Variants in IFNL1 observed in about 807,000 individuals in gnomAD.
The protein encoded by IFNL1 is interferon lambda-1.
In IFNL1, 16 loss-of-function variants were observed where a neutral mutation model predicts 17.1. The ratio of observed to expected loss-of-function variants is 0.93; its 90% CI spans 0.63 to 1.42. The LOEUF (loss-of-function observed/expected upper bound fraction) is 1.42, where lower values mean the gene tolerates loss of function less well. Ranked by LOEUF, IFNL1 falls within the 40% of genes most tolerant of loss-of-function variation. The probability of loss-of-function intolerance (pLI) is 0.00; values close to 1 mark genes in which losing one functional copy is unlikely to be tolerated. For missense variants in IFNL1, 262 were observed against 249.4 expected (o/e 1.05, Z -0.34); for synonymous variants, 104 against 111.4 (o/e 0.93, Z 0.42).
At chr19:39,297,179 G>A (rs904624945) in intron 2 of IFNL1, among the ~76,000 whole-genome samples, 10 of 151,186 alleles carry the variant, frequency 6.6e-5, no homozygotes, top group East Asian at 3.9e-4. Flanking sequence ...TGTGCCTTTC[G>A]TCCTGCTCCA....
In IFNL1 at chr19:39,298,246, C is replaced by A. The variant is rs142816026; in HGVS notation, c.427C>A (p.Arg143=). 1 of 1,614,084 alleles carries A rather than the reference C, an allele frequency of 6.2e-7. No individual in the cohort carries two copies. Among genetic ancestry groups the A allele is most frequent in the South Asian group, 1.1e-5 (1 of 91,078 alleles). ...QPQPTAGPRP[R]GRLHHWLHRL... ...TCAGCCCACAGCAGGGCCCAGGCCC[C>A]GGGGCCGCCTCCACCACTGGCTGCA... Residue 143 remains arginine, a synonymous_variant, in exon 4 of 5, where the codon CGG becomes AGG. Coordinates refer to ENST00000333625, the MANE Select transcript of IFNL1 (RefSeq NM_172140.2).
Position 39,298,220 on chromosome 19 carries a change from C to G in IFNL1, c.401C>G (p.Pro134Arg). ...ILSQLQACIQ[P>R]QPTAGPRPRG... ...GCCCTCTTCTGCCCACAGATCCAGC[C>G]TCAGCCCACAGCAGGGCCCAGGCCC... Residue 134 changes from proline to arginine, a missense_variant, in exon 4 of 5, where the codon CCT becomes CGT. Transcript: ENST00000333625. 1 of 1,614,070 alleles carries G rather than the reference C, an allele frequency of 6.2e-7. No individual in the cohort carries two copies. The highest frequency in any genetic ancestry group is 8.5e-7 in the Non-Finnish European group (1 of 1,179,992).
Position 39,298,029 on chromosome 19 carries a change from T to C in IFNL1, c.315T>C (p.Ala105=). Residue 105 remains alanine, a synonymous_variant, in exon 3 of 5, where the codon GCT becomes GCC. Transcript: ENST00000333625. ...LALTLKVLEA[A]AGPALEDVLD... ...TGACGCTGAAGGTCCTGGAGGCCGC[T>C]GCTGGCCCAGCCCTGGAGGACGTCC... 1 of 1,614,206 alleles carries C rather than the reference T, an allele frequency of 6.2e-7. No homozygotes were observed. Among genetic ancestry groups the C allele is most frequent in the Admixed American group, 1.7e-5 (1 of 60,030 alleles).
At position 39,298,116 on chromosome 19, in the gene IFNL1, T is replaced by C. The variant is rs2075105889; in HGVS notation, c.393+9T>C. 1 of 1,612,948 alleles carries C rather than the reference T, an allele frequency of 6.2e-7. No homozygotes were observed. Among genetic ancestry groups the C allele is most frequent in the Non-Finnish European group, 8.5e-7 (1 of 1,179,116 alleles). On this transcript the variant is annotated intron_variant, in intron 3 of 4. Coordinates refer to ENST00000333625, the MANE Select transcript of IFNL1 (RefSeq NM_172140.2). Reference sequence around the variant, plus strand: ...CCCAGCTCCAGGCCTGTGTGAGTCCTTGGGGCCCGGGCACCCAGGTCTGTG... The same window carrying C: ...CCCAGCTCCAGGCCTGTGTGAGTCCCTGGGGCCCGGGCACCCAGGTCTGTG...
Position 39,297,986 on chromosome 19 carries a change from T to C in IFNL1, c.272T>C (p.Leu91Ser). 2 of 1,614,172 alleles carry C rather than the reference T, an allele frequency of 1.2e-6. No homozygotes were observed. The highest frequency in any genetic ancestry group is 1.7e-6 in the Non-Finnish European group (2 of 1,180,028). ...CAGGTGAGGGAGCGCCCTGTGGCCT[T>C]GGAGGCTGAGCTGGCCCTGACGCTG... ...LLQVRERPVA[L>S]EAELALTLKV... The change falls in exon 3 of 5, where the codon TTG (leucine) becomes TCG (serine). Residue 91 changes from leucine to serine, a missense_variant. Physicochemically the swap from Leu to Ser is moderately radical, Grantham distance 145. Transcript: ENST00000333625.
In IFNL1 at chr19:39,296,920, A is replaced by G. The variant is rs766765203; in HGVS notation, c.249+38A>G. 4.0e-5 allele frequency: 59 copies of G among 1,493,366 alleles called. No individual in the cohort carries two copies. The East Asian group carries it at 1.2e-3, about 30-fold the overall frequency. The allele number at this position is 1,493,366 out of a possible 1,614,324, so 92.5% of individuals were successfully genotyped here. A position where few individuals can be genotyped will look rare whatever the true frequency, so the allele number is the denominator to read the frequency against. Reference sequence around the variant, plus strand: ...TCAGGCCCCCTTCACCCTTCCCTTGACCCTCTCCCCCCTCTTCTTAAGTGG... The same window carrying G: ...TCAGGCCCCCTTCACCCTTCCCTTGGCCCTCTCCCCCCTCTTCTTAAGTGG... On this transcript the variant is annotated intron_variant, in intron 2 of 4. Coordinates refer to ENST00000333625, the MANE Select transcript of IFNL1 (RefSeq NM_172140.2).
Position 39,297,310 on chromosome 19 carries a change from C to CTTT in IFNL1, c.249+452_249+454dup, listed in dbSNP as rs59725017. On this transcript the variant is annotated intron_variant, in intron 2 of 4. Coordinates refer to ENST00000333625, the MANE Select transcript of IFNL1 (RefSeq NM_172140.2). ...ATGCTCCCCCCTCATCCACCCTTCT[C>CTTT]TTTTTTTTTTTTTTTTTTTTTTTTT... Among the ~76,000 whole-genome samples the CTTT allele has an allele frequency of 2.3e-4, 21 of 93,014 alleles. 1 individual carries two copies. The highest frequency in any genetic ancestry group is 7.6e-4 in the East Asian group (3 of 3,936). 61.0% of individuals were successfully genotyped at this position (93,014 alleles called of 152,430 possible).
In IFNL1 at chr19:39,298,440, T is replaced by C. The variant is rs760240164; in HGVS notation, c.527T>C (p.Leu176Pro). Residue 176 changes from leucine (L) to proline (P), a missense_variant, in exon 5 of 5, where the codon CTC (leucine) becomes CCC (proline). By Grantham distance (98) the Leu-to-Pro change is moderately conservative. Coordinates refer to ENST00000333625, the MANE Select transcript of IFNL1 (RefSeq NM_172140.2). ...EASVTFNLFR[L>P]LTRDLKYVAD... ...TCTGTCACCTTCAACCTCTTCCGCC[T>C]CCTCACGCGAGACCTCAAATATGTG... is the stretch of plus-strand genomic sequence containing the variant. 6 of 1,614,164 alleles carry C rather than the reference T, an allele frequency of 3.7e-6. No homozygotes were observed. Among genetic ancestry groups the C allele is most frequent in the Non-Finnish European group, 5.1e-6 (6 of 1,180,010 alleles).
rs1162838270 is a variant in IFNL1, at chr19:39,296,476, G to A, written c.55G>A (p.Ala19Thr). 1.2e-6 allele frequency: 2 copies of A among 1,612,632 alleles called. No homozygotes were observed. Among genetic ancestry groups the A allele is most frequent in the Admixed American group, 1.7e-5 (1 of 59,838 alleles). ...GACTTTGGTGCTAGGCTTGGCCGTG[G>A]CAGGCCCTGTCCCCACTTCCAAGCC... ...LVTLVLGLAVAGPVPTSKPTT... is the reference protein window; with the variant it reads ...LVTLVLGLAVTGPVPTSKPTT... Residue 19 changes from alanine to threonine, a missense_variant, in exon 1 of 5, where the codon GCA (alanine) becomes ACA (threonine). By Grantham distance (58) the Ala-to-Thr change is moderately conservative (BLOSUM62 0). Transcript: ENST00000333625.
chr19:39,298,285 G>GC lies in IFNL1; in HGVS notation c.471dup (p.Lys158GlnfsTer41). ...CCACTGGCTGCACCGGCTCCAGGAGGCCCCCAAAAAGGTGAGTGACCCAGG... is the reference window on the plus strand; with the variant it reads ...CCACTGGCTGCACCGGCTCCAGGAGGCCCCCCAAAAAGGTGAGTGACCCAGG... On this transcript the variant is annotated frameshift_variant, in exon 4 of 5. Coordinates refer to ENST00000333625, the MANE Select transcript of IFNL1 (RefSeq NM_172140.2). LOFTEE classifies it low-confidence loss of function (END_TRUNC). 4.3e-6 allele frequency: 7 copies of GC among 1,614,132 alleles called. No individual in the cohort carries two copies. Among genetic ancestry groups the GC allele is most frequent in the Non-Finnish European group, 5.9e-6 (7 of 1,180,002 alleles).
chr19:39,297,875 C>G, intron 2 of IFNL1, 89 bp from the exon 3 acceptor site: 9 of 1,532,388 alleles, frequency 5.9e-6, no homozygotes, highest in Non-Finnish European at 8.0e-6. Context: ...CACTGTGTCA[C>G]CGACCTTCCC....
intron 2 of IFNL1, among the ~76,000 whole-genome samples, chr19:39,297,567 G>A (rs1275989511): frequency 2.6e-5 from 4 of 151,868 alleles, no homozygotes; most frequent in Non-Finnish European, 4.4e-5. Context: ...TGATCCACCC[G>A]CCTCGGCCTC....
chr19:39,297,965 T>G lies in IFNL1; in HGVS notation c.251T>G (p.Val84Gly). Residue 84 changes from valine (V) to glycine (G), a missense_variant and splice_region_variant, in exon 3 of 5, where the codon GTG (valine) becomes GGG (glycine). Transcript: ENST00000333625. ...CTGCTCTTTCTCACCTCTCCTCAGG[T>G]GAGGGAGCGCCCTGTGGCCTTGGAG... ...PGNWDLRLLQ[V>G]RERPVALEAE... The G allele has an allele frequency of 6.2e-7, 1 of 1,614,096 alleles. No individual in the cohort carries two copies. Among genetic ancestry groups the G allele is most frequent in the African/African-American group, 1.3e-5 (1 of 75,042 alleles).
At position 39,296,517 on chromosome 19, in the gene IFNL1, G is replaced by C. The variant is rs764666505; in HGVS notation, c.96G>C (p.Lys32Asn). The C allele has an allele frequency of 7.4e-6, 12 of 1,613,822 alleles. No individual in the cohort carries two copies. In the East Asian group the frequency reaches 2.7e-4, roughly 36 times the overall value. Residue 32 changes from lysine to asparagine, a missense_variant, in exon 1 of 5, where the codon AAG becomes AAC. Physicochemically the swap from Lys to Asn is moderately conservative, Grantham distance 94 (BLOSUM62 0). Coordinates refer to ENST00000333625, the MANE Select transcript of IFNL1 (RefSeq NM_172140.2). ...VPTSKPTTTGKGCHIGRFKSL... is the reference protein window; with the variant it reads ...VPTSKPTTTGNGCHIGRFKSL... ...CTTCCAAGCCCACCACAACTGGGAA[G>C]GGCTGCCACATTGGCAGGTTCAAAT...
At chr19:39,298,345 G>A in intron 4 of IFNL1, 46 bp from the exon 5 acceptor site, 1 of 1,613,990 alleles carries the variant, frequency 6.2e-7, no homozygotes, top group Non-Finnish European at 8.5e-7. Context: ...GCCAATAGGA[G>A]CCCAGACCCT....
At chr19:39,297,468 G>A (rs1360920373) in intron 2 of IFNL1, among the ~76,000 whole-genome samples, 1 of 151,944 alleles carries the variant, frequency 6.6e-6, no homozygotes, top group African/African-American at 2.4e-5. Flanking sequence ...ACAGGCATGT[G>A]CCATGATGCC....
Position 39,296,598 on chromosome 19 carries a change from T to A in IFNL1, c.171+6T>A. 2.5e-6 allele frequency: 4 copies of A among 1,607,886 alleles called. No individual in the cohort carries two copies. Among genetic ancestry groups the A allele is most frequent in the Non-Finnish European group, 3.4e-6 (4 of 1,177,400 alleles). ...AGAAGGCCAGGGACGCCTTGGTGAG[T>A]TCCTGTTGCTGTGGATGAACCACTT... On this transcript the variant is annotated splice_donor_region_variant and intron_variant, in intron 1 of 4. Coordinates refer to ENST00000333625, the MANE Select transcript of IFNL1 (RefSeq NM_172140.2).
Position 39,298,012 on chromosome 19 carries a change from A to T in IFNL1, c.298A>T (p.Lys100Ter). The change falls in exon 3 of 5, where the codon AAG (lysine) becomes TAG (stop). Residue 100 changes from lysine to a stop codon, truncating the protein, a stop_gained. Coordinates refer to ENST00000333625, the MANE Select transcript of IFNL1 (RefSeq NM_172140.2). LOFTEE classifies it high-confidence loss of function. ...GGAGGCTGAGCTGGCCCTGACGCTG[A>T]AGGTCCTGGAGGCCGCTGCTGGCCC... is the stretch of plus-strand genomic sequence containing the variant. ...ALEAELALTL[K>*]VLEAAAGPAL... The T allele has an allele frequency of 6.2e-7, 1 of 1,614,120 alleles. No individual in the cohort carries two copies. Among genetic ancestry groups the T allele is most frequent in the Non-Finnish European group, 8.5e-7 (1 of 1,180,018 alleles).
At position 39,298,419 on chromosome 19, in the gene IFNL1, T is replaced by A. The variant is rs768684398; in HGVS notation, c.506T>A (p.Val169Asp). The A allele has an allele frequency of 8.7e-6, 14 of 1,614,088 alleles. No homozygotes were observed. The Admixed American group carries it at 1.8e-4, about 21-fold the overall frequency. ...TCCGCTGGCTGCCTGGAGGCATCTG[T>A]CACCTTCAACCTCTTCCGCCTCCTC... ...KESAGCLEAS[V>D]TFNLFRLLTR... is the part of the protein sequence containing the mutation. The change falls in exon 5 of 5, where the codon GTC becomes GAC. Residue 169 changes from valine (V) to aspartate (D), a missense_variant. Physicochemically the swap from Val to Asp is radical, Grantham distance 152 (BLOSUM62 -3). Transcript: ENST00000333625.
Sources: gnomAD v4.1 joint callset for allele counts (sites outside exome capture counted in the v4.1 genomes callset) on GRCh38, gnomAD v4.1.1 for gene constraint, MANE v1.5 for transcripts, NCBI Gene and HGNC (gene_info 2026-07-23, HGNC 2026-07-21) for gene names.